Variants in OPCML observed in about 807,000 individuals in gnomAD.
OPCML encodes opioid-binding protein/cell adhesion molecule.
Under a neutral mutation model 37.8 loss-of-function variants are expected in OPCML, and 13 were observed. The ratio of observed to expected loss-of-function variants is 0.34; its 90% CI spans 0.22 to 0.55. The LOEUF (loss-of-function observed/expected upper bound fraction) is 0.55, where lower values mean the gene tolerates loss of function less well. Ranked by LOEUF, OPCML falls within the 20% of genes least tolerant of loss-of-function variation. The pLI, the probability that OPCML is intolerant of heterozygous loss-of-function variation, is 0.91. For missense variants in OPCML, 341 were observed against 435.6 expected, an observed-to-expected ratio of 0.78 and a Z score of 1.93; for synonymous variants, 176 against 168.8, an observed-to-expected ratio of 1.04 and a Z score of -0.33.
At chr11:132,987,999 A>C (rs1946709930) in intron 1 of OPCML, among the ~76,000 whole-genome samples, 1 of 152,236 alleles carries the variant, frequency 6.6e-6, no homozygotes, top group Non-Finnish European at 1.5e-5. Flanking sequence ...CCATGTAAAC[A>C]AGAATGTGCT....
At chr11:132,520,097 T>TG (rs2096289108) in intron 4 of OPCML, among the ~76,000 whole-genome samples, 1 of 152,122 alleles carries the variant, frequency 6.6e-6, no homozygotes, top group African/African-American at 2.4e-5. Flanking sequence ...AGAAAGAGAC[T>TG]AGACATAGGA....
intron 1 of OPCML, among the ~76,000 whole-genome samples, chr11:133,323,695 C>A (rs757053518): frequency 6.6e-5 from 10 of 152,102 alleles, no homozygotes; most frequent in Non-Finnish European, 1.5e-4. Flanking sequence ...GTCCAGGTAT[C>A]GCAGAGTATT....
intron 1 of OPCML, among the ~76,000 whole-genome samples, chr11:133,390,331 C>CGGG (rs777602959): frequency 3.0e-4 from 46 of 151,914 alleles, no homozygotes; most frequent in Non-Finnish European, 5.9e-4. Context: ...GGTGTGGTGG[C>CGGG]GGGCGCCTGT....
At chr11:133,437,055 T>A (rs994377624) in intron 1 of OPCML, among the ~76,000 whole-genome samples, 1 of 152,206 alleles carries the variant, frequency 6.6e-6, no homozygotes, top group African/African-American at 2.4e-5. Flanking sequence ...TCATTTCTTT[T>A]CATCTAAGCC....
At chr11:133,406,866 T>G (rs941727917) in intron 1 of OPCML, among the ~76,000 whole-genome samples, 1 of 152,222 alleles carries the variant, frequency 6.6e-6, no homozygotes, top group African/African-American at 2.4e-5. Context: ...TTTTGAAACC[T>G]TAATCGCAAT....
chr11:133,145,792 C>G (rs995921316), intron 1 of OPCML, among the ~76,000 whole-genome samples: 3 of 152,126 alleles, frequency 2.0e-5, no homozygotes, highest in African/African-American at 7.2e-5. Flanking sequence ...AAGGTATAAC[C>G]AATGGGCAGG....
chr11:132,714,396 T>C (rs1305573401), intron 2 of OPCML, among the ~76,000 whole-genome samples: 1 of 152,162 alleles, frequency 6.6e-6, no homozygotes, highest in Non-Finnish European at 1.5e-5. Flanking sequence ...ATGGAGATAA[T>C]ATGTGCGGCA....
At position 132,695,229 on chromosome 11, in the gene OPCML, A is replaced by G. The variant is rs536056771; in HGVS notation, c.147-37910T>C. Among the ~76,000 whole-genome samples the G allele has an allele frequency of 1.3e-3, 192 of 152,232 alleles. 1 individual carries two copies. The highest frequency in any genetic ancestry group is 2.7e-3 in the South Asian group (13 of 4,822). ...TTCATTGGAAGCACGGCCCCTTAGA[A>G]CTTTGCCTGTCCATTTTGGGAGTTG... is the stretch of plus-strand genomic sequence containing the variant. On this transcript the variant is annotated intron_variant, in intron 2 of 7. Transcript: ENST00000524381.
chr11:133,246,721 G>A (rs141055283), intron 1 of OPCML, among the ~76,000 whole-genome samples: 39 of 152,304 alleles, frequency 2.6e-4, no homozygotes, highest in African/African-American at 8.4e-4. Context: ...TTTGAGTAAG[G>A]AACTATAAAA....
At chr11:133,128,570 A>C (rs1949555081) in intron 1 of OPCML, among the ~76,000 whole-genome samples, 1 of 152,146 alleles carries the variant, frequency 6.6e-6, no homozygotes, top group Non-Finnish European at 1.5e-5. Context: ...CTGCCAGTGG[A>C]GAGGACCCCT....
intron 2 of OPCML, among the ~76,000 whole-genome samples, chr11:132,659,209 T>C (rs1439985724): frequency 2.0e-5 from 3 of 152,252 alleles, no homozygotes; most frequent in African/African-American, 7.2e-5. Flanking sequence ...CATTTTTCTA[T>C]TTCCCTTATG....
intron 1 of OPCML, among the ~76,000 whole-genome samples, chr11:132,972,821 C>G (rs1946372925): frequency 6.6e-6 from 1 of 152,104 alleles, no homozygotes; most frequent in Non-Finnish European, 1.5e-5. Flanking sequence ...CCCCCTGCTC[C>G]CTCTGCTTGA....
chr11:133,531,159 CT>C (rs1948597639), intron 1 of OPCML, among the ~76,000 whole-genome samples: 1 of 152,202 alleles, frequency 6.6e-6, no homozygotes, highest in Non-Finnish European at 1.5e-5. Flanking sequence ...TGCCTAAAAC[CT>C]TGGCAAGCAT....
Position 133,408,976 on chromosome 11 carries a change from G to A in OPCML, c.61+123288C>T, listed in dbSNP as rs187528078. 6.1e-4 allele frequency among the ~76,000 whole-genome samples: 93 copies of A among 152,300 alleles called. 3 individuals are homozygous for A. The East Asian group carries it at 0.016, about 26-fold the overall frequency. On this transcript the variant is annotated intron_variant, in intron 1 of 7. Coordinates refer to ENST00000524381, the MANE Select transcript of OPCML (RefSeq NM_001012393.5). ...ATTGTCCATCCTCTGCTGATGCCTT[G>A]GTTTTCACTAAACTTAGATGCCAGA...
At chr11:132,678,559 G>T (rs1437432944) in intron 2 of OPCML, among the ~76,000 whole-genome samples, 3 of 152,082 alleles carry the variant, frequency 2.0e-5, no homozygotes, top group African/African-American at 7.2e-5. Flanking sequence ...CTATTCAGTA[G>T]TAAAAAGAAA....
chr11:133,473,744 T>C (rs1032788780), intron 1 of OPCML, among the ~76,000 whole-genome samples: 4 of 152,224 alleles, frequency 2.6e-5, no homozygotes, highest in African/African-American at 9.6e-5. Flanking sequence ...ACTGGCCATC[T>C]CTGGATCTAA....
intron 4 of OPCML, among the ~76,000 whole-genome samples, chr11:132,510,156 C>G (rs1474111271): frequency 2.6e-5 from 4 of 152,186 alleles, no homozygotes; most frequent in Non-Finnish European, 4.4e-5. Flanking sequence ...TTTGGACTTG[C>G]ATGGTCCCTG....
At chr11:133,480,279 C>G (rs1160317932) in intron 1 of OPCML, among the ~76,000 whole-genome samples, 1 of 152,222 alleles carries the variant, frequency 6.6e-6, no homozygotes, top group African/African-American at 2.4e-5. Flanking sequence ...GTGCTATTAT[C>G]ACTGTATTTA....
chr11:133,147,277 G>A (rs889875545), intron 1 of OPCML, among the ~76,000 whole-genome samples: 14 of 152,166 alleles, frequency 9.2e-5, no homozygotes, highest in Non-Finnish European at 2.1e-4. Context: ...CTCAGAAGGG[G>A]AGAGGCAGGT....
Sources: allele counts gnomAD v4.1 joint callset (sites outside exome capture counted in the v4.1 genomes callset), GRCh38; gene constraint gnomAD v4.1.1; transcripts MANE v1.5; gene names NCBI Gene and HGNC (gene_info 2026-07-23, HGNC 2026-07-21).